ATXN7L2: variants seen among roughly 807,000 people sequenced by gnomAD.
The protein encoded by ATXN7L2 is ataxin 7 like 2.
Under a neutral mutation model 59.6 loss-of-function variants are expected in ATXN7L2, and 17 were observed. That is an observed-to-expected ratio of 0.29 (90% CI 0.20 to 0.43). The LOEUF is 0.43. ATXN7L2 is among the 20% of genes least tolerant of loss of function. The probability of loss-of-function intolerance (pLI) is 1.00; values close to 1 mark genes in which losing one functional copy is unlikely to be tolerated. For missense variants in ATXN7L2, 858 were observed against 1,008.9 expected (o/e 0.85, Z 2.03); for synonymous variants, 378 against 392.5 (o/e 0.96, Z 0.44).
rs777490094 is a variant in ATXN7L2, at chr1:109,491,637, C to T, written c.2170C>T (p.Pro724Ser). Residue 724 changes from proline to serine, a missense_variant, in exon 10 of 11, where the codon CCT becomes TCT. Coordinates refer to ENST00000683729, the MANE Select transcript of ATXN7L2 (RefSeq NM_001350175.2). This position sits in a 1 kb window ranked among gnomAD's most constrained non-coding sequence, Gnocchi z 4.1. Reference sequence around the variant, plus strand: ...GGCCAAGCACTGTCAGGCTGGTGCCCCTGCTGATGTGGCCTGCTCTGTGCG... The same window carrying T: ...GGCCAAGCACTGTCAGGCTGGTGCCTCTGCTGATGTGGCCTGCTCTGTGCG... ...VKAKHCQAGA[P>S]ADVACSVRRK... is the part of the protein sequence containing the mutation. 6.2e-7 allele frequency: 1 copy of T among 1,613,208 alleles called. No individual in the cohort carries two copies. The highest frequency in any genetic ancestry group is 2.2e-5 in the East Asian group (1 of 44,866).
At chr1:109,492,202 C>G in intron 10 of ATXN7L2, 10 of 765,942 alleles carry the variant, frequency 1.3e-5, no homozygotes, top group Non-Finnish European at 1.7e-5. Context: ...TGCCCACCTC[C>G]AGGTGTGCAG....
In ATXN7L2 at chr1:109,489,017, C is replaced by T; in HGVS notation, c.1050C>T (p.Val350=). The part of the protein sequence containing the change: ...ERPSQELPSS[V]QVVAAVAAPS... Reference sequence around the variant, plus strand: ...CCTCCCAGGAGCTCCCCTCCTCAGTCCAGGTTGTAGCAGCGGTGGCTGCTC... The same window carrying T: ...CCTCCCAGGAGCTCCCCTCCTCAGTTCAGGTTGTAGCAGCGGTGGCTGCTC... The change falls in exon 7 of 11, where the codon GTC becomes GTT. Residue 350 remains valine, a synonymous_variant. Transcript: ENST00000683729. 1.9e-6 allele frequency: 3 copies of T among 1,614,178 alleles called. No homozygotes were observed. The highest frequency in any genetic ancestry group is 2.5e-6 in the Non-Finnish European group (3 of 1,180,014).
At chr1:109,484,173 A>G in intron 1 of ATXN7L2, 93 bp downstream of exon 1, 1 of 1,183,584 alleles carries the variant, frequency 8.4e-7, no homozygotes, top group Non-Finnish European at 1.1e-6. Context: ...CGCCGACTGG[A>G]GCCGCCGTCC....
chr1:109,483,999 C>G lies in ATXN7L2; in HGVS notation c.46C>G (p.Arg16Gly). The change falls in exon 1 of 11, where the codon CGG (arginine) becomes GGG (glycine). Residue 16 changes from arginine (R) to glycine (G), a missense_variant. Physicochemically the swap from Arg to Gly is moderately radical, Grantham distance 125. Transcript: ENST00000683729. ...GGCGGCAGCAATGGCCGCTCTGGAG[C>G]GGCGGGTGCCGAGTCTCGATGACTT... ...RAAAAMAALE[R>G]RVPSLDDFAG... is the part of the protein sequence containing the mutation. 7.4e-7 allele frequency: 1 copy of G among 1,346,980 alleles called. No homozygotes were observed. The highest frequency in any genetic ancestry group is 9.6e-7 in the Non-Finnish European group (1 of 1,038,224). The allele number at this position is 1,346,980 out of a possible 1,614,324, so 83.4% of individuals were successfully genotyped here. A position where few individuals can be genotyped will look rare whatever the true frequency, so the allele number is the denominator to read the frequency against.
At chr1:109,487,841 G>C in intron 5 of ATXN7L2, 37 bp downstream of exon 5, 1 of 1,556,020 alleles carries the variant, frequency 6.4e-7, no homozygotes, top group Non-Finnish European at 8.7e-7. Flanking sequence ...AGAATGTAGA[G>C]TGGGGACTCC....
chr1:109,486,620 G>T lies in ATXN7L2; in HGVS notation c.298+10G>T. 1.2e-6 allele frequency: 2 copies of T among 1,607,702 alleles called. No homozygotes were observed. The highest frequency in any genetic ancestry group is 1.7e-6 in the Non-Finnish European group (2 of 1,174,428). On this transcript the variant is annotated intron_variant, in intron 3 of 10. Coordinates refer to ENST00000683729, the MANE Select transcript of ATXN7L2 (RefSeq NM_001350175.2). The surrounding 1 kb of genome is among the most constrained non-coding windows in gnomAD (Gnocchi z 4.3). ...TTCCAGAAGCACTGCGGTGAGGGGA[G>T]CCCTAGGGAGGAGATAAAGGGACAG...
chr1:109,487,354 A>G lies in ATXN7L2; in HGVS notation c.509+137A>G, dbSNP rs1345169802. 6 of 1,162,598 alleles carry G rather than the reference A, an allele frequency of 5.2e-6. No individual in the cohort carries two copies. In the East Asian group the frequency reaches 1.1e-4, roughly 21 times the overall value. The allele number at this position is 1,162,598 out of a possible 1,614,324, so 72.0% of individuals were successfully genotyped here. A position where few individuals can be genotyped will look rare whatever the true frequency, so the allele number is the denominator to read the frequency against. On this transcript the variant is annotated intron_variant, in intron 4 of 10. Coordinates refer to ENST00000683729, the MANE Select transcript of ATXN7L2 (RefSeq NM_001350175.2). The stretch of plus-strand genomic sequence containing the variant: ...GCCGTCCTGTCTGCAGCTTCCTTCC[A>G]TATATTCCAGGGAAGATGGGGTCTC...
intron 1 of ATXN7L2, chr1:109,485,543 G>T: frequency 1.0e-6 from 1 of 985,548 alleles, no homozygotes; most frequent in Non-Finnish European, 1.2e-6. Context: ...AGTTCATGGG[G>T]GTGGGGACCT....
Position 109,488,815 on chromosome 1 carries a change from AC to A in ATXN7L2, c.880-31del, listed in dbSNP as rs1194193119. On this transcript the variant is annotated intron_variant, in intron 6 of 10. Coordinates refer to ENST00000683729, the MANE Select transcript of ATXN7L2 (RefSeq NM_001350175.2). The surrounding 1 kb of genome is among the most constrained non-coding windows in gnomAD (Gnocchi z 5.0). ...CCTCACCCCTTCTCAGTTCATACCT[AC>A]TCCCCAGCTCTCCACTCTGCTGTAT... The A allele has an allele frequency of 1.3e-6, 2 of 1,599,022 alleles. No homozygotes were observed. The highest frequency in any genetic ancestry group is 2.7e-5 in the African/African-American group (2 of 74,274).
At chr1:109,492,030 C>T in intron 10 of ATXN7L2, 1 of 1,152,130 alleles carries the variant, frequency 8.7e-7, no homozygotes, top group Non-Finnish European at 1.1e-6. Context: ...ATTCCAGGTA[C>T]TGGAGCTACC....
At chr1:109,490,151 T>A (rs1479063751) in intron 8 of ATXN7L2, 23 bp downstream of exon 8, 2 of 1,564,102 alleles carry the variant, frequency 1.3e-6, no homozygotes, top group Admixed American at 1.8e-5. Context: ...AATAGGGGCC[T>A]ATGGAGGGGG....
In ATXN7L2 at chr1:109,484,080, G is replaced by C; in HGVS notation, c.127G>C (p.Gly43Arg). The change falls in exon 1 of 11, where the codon GGG (glycine) becomes CGG (arginine). Residue 43 changes from glycine to arginine, a missense_variant and splice_region_variant. Transcript: ENST00000683729. ...VERADLPAAD[G>R]AELEESSKNT... is the part of the protein sequence containing the mutation. ...GCGGGCCGACCTGCCCGCGGCTGACGGTGAGTAAAGCCACCCTAAAGTCCG... is the reference window on the plus strand; with the variant it reads ...GCGGGCCGACCTGCCCGCGGCTGACCGTGAGTAAAGCCACCCTAAAGTCCG... 1 of 1,512,156 alleles carries C rather than the reference G, an allele frequency of 6.6e-7. No homozygotes were observed. The highest frequency in any genetic ancestry group is 8.9e-7 in the Non-Finnish European group (1 of 1,126,618). The allele number at this position is 1,512,156 out of a possible 1,614,324, so 93.7% of individuals were successfully genotyped here. A position where few individuals can be genotyped will look rare whatever the true frequency, so the allele number is the denominator to read the frequency against.
chr1:109,487,089 T>C lies in ATXN7L2; in HGVS notation c.381T>C (p.His127=), dbSNP rs147848834. 1.1e-5 allele frequency: 17 copies of C among 1,611,516 alleles called. No homozygotes were observed. The highest frequency in any genetic ancestry group is 1.4e-5 in the Non-Finnish European group (17 of 1,178,952). Residue 127 remains histidine, a synonymous_variant, in exon 4 of 11, where the codon CAT becomes CAC. Coordinates refer to ENST00000683729, the MANE Select transcript of ATXN7L2 (RefSeq NM_001350175.2). ...PPAPASSQKC[H]VVNGQGPACR... is the part of the protein sequence containing the mutation. ...CCCCTGCCAGCTCTCAGAAATGCCA[T>C]GTAGTGAATGGGCAGGGCCCAGCTT...
intron 9 of ATXN7L2, 69 bp downstream of exon 9, chr1:109,490,461 TC>T: frequency 6.4e-7 from 1 of 1,571,296 alleles, no homozygotes; most frequent in East Asian, 2.2e-5. Flanking sequence ...TACTTGGGCT[TC>T]AGAAGCCCTG....
chr1:109,491,095 C>G lies in ATXN7L2; in HGVS notation c.1628C>G (p.Ala543Gly), dbSNP rs1657022012. The G allele has an allele frequency of 6.2e-7, 1 of 1,613,714 alleles. No individual in the cohort carries two copies. Among genetic ancestry groups the G allele is most frequent in the Non-Finnish European group, 8.5e-7 (1 of 1,179,994 alleles). Residue 543 changes from alanine to glycine, a missense_variant, in exon 10 of 11, where the codon GCA becomes GGA. This residue lies in a region of ATXN7L2 where 734 missense variants were observed against 862.3 expected (regional missense o/e 0.85). Transcript: ENST00000683729. This position sits in a 1 kb window ranked among gnomAD's most constrained non-coding sequence, Gnocchi z 4.1. Reference sequence around the variant, plus strand: ...GACAACCTTGTCCCCAGCTACCCTGCAGGCTCCCCCAGCGTGGCGGCTGCC... The same window carrying G: ...GACAACCTTGTCCCCAGCTACCCTGGAGGCTCCCCCAGCGTGGCGGCTGCC... ...TKDNLVPSYP[A>G]GSPSVAAACS...
At position 109,486,262 on chromosome 1, in the gene ATXN7L2, T is replaced by G; in HGVS notation, c.193+140T>G. On this transcript the variant is annotated intron_variant, in intron 2 of 10. Transcript: ENST00000683729. This position sits in a 1 kb window ranked among gnomAD's most constrained non-coding sequence, Gnocchi z 4.3. ...TTTTGATAGGTCCGAGTCGGCCGGT[T>G]GTTCTGGCTCCTGTGACCTGTCGTT... 4 of 1,321,782 alleles carry G rather than the reference T, an allele frequency of 3.0e-6. No individual in the cohort carries two copies. The highest frequency in any genetic ancestry group is 3.0e-6 in the Non-Finnish European group (3 of 990,438). The allele number at this position is 1,321,782 out of a possible 1,614,324, so 81.9% of individuals were successfully genotyped here.
intron 7 of ATXN7L2, 28 bp from the exon 8 acceptor site, chr1:109,489,902 C>A (rs138073319): frequency 2.5e-6 from 4 of 1,611,450 alleles, no homozygotes; most frequent in Non-Finnish European, 3.4e-6. Context: ...CAGTCACATT[C>A]CCCTGGCATC....
Position 109,486,391 on chromosome 1 carries a change from G to C in ATXN7L2, c.194-115G>C. ...GCTGGAAGCATTCAGCATGGAGCTT[G>C]TTATATCAGCGGGGAGGTGAAGTGC... On this transcript the variant is annotated intron_variant, in intron 2 of 10. Transcript: ENST00000683729. This position sits in a 1 kb window ranked among gnomAD's most constrained non-coding sequence, Gnocchi z 4.3. 2.0e-6 allele frequency: 2 copies of C among 994,272 alleles called. No homozygotes were observed. Among genetic ancestry groups the C allele is most frequent in the Non-Finnish European group, 1.5e-6 (1 of 669,874 alleles). The allele number at this position is 994,272 out of a possible 1,614,324, so 61.6% of individuals were successfully genotyped here.
chr1:109,485,176 C>CGGAAATG (rs1656485846), intron 1 of ATXN7L2: 1 of 762,730 alleles, frequency 1.3e-6, no homozygotes, highest in Non-Finnish European at 1.6e-6. Flanking sequence ...CATTGAGAAC[C>CGGAAATG]GGAAATGGAG....
Sources: gnomAD v4.1 joint callset for allele counts on GRCh38, gnomAD v4.1.1 for gene constraint, gnomAD v4.1.1 regional missense constraint, Gnocchi (gnomAD v3.1) non-coding constraint, MANE v1.5 for transcripts, NCBI Gene and HGNC (gene_info 2026-07-23, HGNC 2026-07-21) for gene names.